VWA8: variants seen among roughly 807,000 people sequenced by gnomAD.
VWA8 encodes the protein von Willebrand factor A domain-containing protein 8.
A neutral mutation model predicts 241.5 loss-of-function variants in VWA8; 221 were observed. The observed-to-expected ratio is 0.91, with a 90% CI of 0.82 to 1.02. VWA8 has a LOEUF of 1.02. Among genes scored for constraint, VWA8 ranks in the 50% least tolerant of loss-of-function variants. VWA8 has a pLI of 0.00. For missense variants in VWA8, 2,322 were observed against 2,328.7 expected (o/e 1.00, Z 0.06); for synonymous variants, 852 against 827.1 (o/e 1.03, Z -0.52).
rs748668867 is a variant in VWA8, at chr13:41,699,181, C to G, written c.3454G>C (p.Asp1152His). 37 of 1,613,968 alleles carry G rather than the reference C, an allele frequency of 2.3e-5. No individual in the cohort carries two copies. The highest frequency in any genetic ancestry group is 1.9e-5 in the Non-Finnish European group (23 of 1,180,016). ...GTTCTTGGGAAGATATCAAAAAAGT[C>G]CACAAAGAAGCCACTTTTCCCAGTC... ...NMTGKSGFFVDFFDIFPRTAN... is the reference protein window; with the variant it reads ...NMTGKSGFFVHFFDIFPRTAN... The change falls in exon 29 of 45, where the codon GAC (aspartate) becomes CAC (histidine). Residue 1152 changes from aspartate (D) to histidine (H), a missense_variant. Transcript: ENST00000379310.
At chr13:41,927,453 C>A in intron 2 of VWA8, 1 of 322,240 alleles carries the variant, frequency 3.1e-6, no homozygotes, top group East Asian at 8.2e-5. Flanking sequence ...ATTTGACTAC[C>A]ACAGTTCCAT....
chr13:41,590,878 G>T, intron 40 of VWA8, 113 bp from the exon 41 acceptor site: 1 of 1,344,902 alleles, frequency 7.4e-7, no homozygotes, highest in African/African-American at 1.4e-5. Context: ...GTAAGTGATG[G>T]TTCTGCATGA....
intron 20 of VWA8, among the ~76,000 whole-genome samples, chr13:41,775,106 A>C (rs1329081468): frequency 6.6e-6 from 1 of 152,204 alleles, no homozygotes; most frequent in East Asian, 1.9e-4. Flanking sequence ...TACAGGGAGA[A>C]ACCAGACACC....
intron 37 of VWA8, among the ~76,000 whole-genome samples, chr13:41,643,463 CA>C (rs1017547886): frequency 3.3e-5 from 5 of 152,200 alleles, no homozygotes; most frequent in Admixed American, 2.6e-4. Context: ...AAATAGTTGT[CA>C]AAGGAATCAA....
At chr13:41,871,402 C>T (rs1873605154) in intron 9 of VWA8, among the ~76,000 whole-genome samples, 1 of 151,854 alleles carries the variant, frequency 6.6e-6, no homozygotes, top group Admixed American at 6.6e-5. Context: ...TGTGCTGCAC[C>T]CACTAACTCG....
At chr13:41,770,901 C>CAAA (rs71096541) in intron 20 of VWA8, among the ~76,000 whole-genome samples, 28 of 98,356 alleles carry the variant, frequency 2.8e-4, no homozygotes, top group African/African-American at 9.8e-4. Context: ...CTTAAAATGA[C>CAAA]AAAAAAAAAA....
intron 37 of VWA8, among the ~76,000 whole-genome samples, chr13:41,620,581 T>C (rs1234157487): frequency 6.6e-6 from 1 of 152,176 alleles, no homozygotes; most frequent in Non-Finnish European, 1.5e-5. Flanking sequence ...ATTTTAGATC[T>C]TTCCTGCTTT....
intron 37 of VWA8, among the ~76,000 whole-genome samples, chr13:41,666,673 C>T (rs543420218): frequency 3.3e-5 from 5 of 152,136 alleles, no homozygotes; most frequent in South Asian, 2.1e-4. Flanking sequence ...AGCACGCCAC[C>T]GGGATCTTGC....
Position 41,833,441 on chromosome 13 carries a change from G to C in VWA8, c.1516C>G (p.Leu506Val). The stretch of plus-strand genomic sequence containing the variant: ...TCCAGCAGGACCAGCTTGCCTTCCA[G>C]AGCAGCATTCACAAGGGGTGAGGAC... ...WRSSPLVNAA[L>V]EGKLVLLDGI... Residue 506 changes from leucine (L) to valine (V), a missense_variant, in exon 13 of 45, where the codon CTG (leucine) becomes GTG (valine). Coordinates refer to ENST00000379310, the MANE Select transcript of VWA8 (RefSeq NM_015058.2). 6.2e-7 allele frequency: 1 copy of C among 1,614,020 alleles called. No individual in the cohort carries two copies. Among genetic ancestry groups the C allele is most frequent in the Middle Eastern group, 1.6e-4 (1 of 6,062 alleles).
chr13:41,922,322 A>G (rs766571686), intron 2 of VWA8, among the ~76,000 whole-genome samples: 3 of 152,266 alleles, frequency 2.0e-5, no homozygotes, highest in African/African-American at 2.4e-5. Flanking sequence ...ACCTAAAACC[A>G]TAAAAACCCT....
chr13:41,772,465 C>CA (rs566779127), intron 20 of VWA8, among the ~76,000 whole-genome samples: 14 of 71,666 alleles, frequency 2.0e-4, no homozygotes, highest in South Asian at 7.2e-4. Flanking sequence ...AACAAACAAA[C>CA]AAAAAAAAAA....
intron 21 of VWA8, among the ~76,000 whole-genome samples, chr13:41,744,276 C>T (rs1443206455): frequency 1.3e-5 from 2 of 152,214 alleles, no homozygotes; most frequent in African/African-American, 4.8e-5. Context: ...ACAAACATTT[C>T]CATCTCTGGT....
At position 41,765,301 on chromosome 13, in the gene VWA8, C is replaced by T. The variant is rs117192748; in HGVS notation, c.2350-4097G>A. Among the ~76,000 whole-genome samples, 228 of 152,268 alleles carry T rather than the reference C, an allele frequency of 1.5e-3. 5 individuals are homozygous for T. The East Asian group carries it at 0.035, about 23-fold the overall frequency. ...GTCTCAACTCAAGGGTAGCTCATCC[C>T]CTCCCCAGACTACTGGAAAGGGCCT... On this transcript the variant is annotated intron_variant, in intron 20 of 44. Transcript: ENST00000379310.
At chr13:41,815,355 A>C (rs1454221956) in intron 16 of VWA8, among the ~76,000 whole-genome samples, 2 of 152,264 alleles carry the variant, frequency 1.3e-5, no homozygotes, top group African/African-American at 2.4e-5. Context: ...GGAAACTGTC[A>C]ATGTTACTTT....
intron 17 of VWA8, 136 bp downstream of exon 17, chr13:41,811,089 A>C (rs1236301247): frequency 1.3e-5 from 9 of 674,558 alleles, no homozygotes. Context: ...CTAATCAGTG[A>C]AGGCAAGGCT....
chr13:41,803,625 C>T (rs534262566), intron 17 of VWA8, among the ~76,000 whole-genome samples: 43 of 152,072 alleles, frequency 2.8e-4, no homozygotes, highest in Non-Finnish European at 6.0e-4. Flanking sequence ...GATCCGCCCC[C>T]GTGATTAATT....
At chr13:41,875,001 A>G (rs1873830666) in intron 9 of VWA8, among the ~76,000 whole-genome samples, 1 of 152,132 alleles carries the variant, frequency 6.6e-6, no homozygotes, top group African/African-American at 2.4e-5. Flanking sequence ...TTAGGGCAAT[A>G]TTAAATGTAT....
At position 41,570,372 on chromosome 13, in the gene VWA8, C is replaced by T. The variant is rs917251657; in HGVS notation, c.5609+96G>A. Reference sequence around the variant, plus strand: ...GTTTCTGTTTTTCCTCCATCTGCCTCACTGTCCCTCATGGTGCTAAGCCTA... The same window carrying T: ...GTTTCTGTTTTTCCTCCATCTGCCTTACTGTCCCTCATGGTGCTAAGCCTA... On this transcript the variant is annotated intron_variant, in intron 44 of 44. Transcript: ENST00000379310. 13 of 1,109,612 alleles carry T rather than the reference C, an allele frequency of 1.2e-5. 1 individual carries two copies. In the South Asian group the frequency reaches 2.1e-4, roughly 18 times the overall value. 68.7% of individuals were successfully genotyped at this position (1,109,612 alleles called of 1,614,324 possible). A position where few individuals can be genotyped will look rare whatever the true frequency, so the allele number is the denominator to read the frequency against.
At chr13:41,853,423 AT>A (rs1566482025) in intron 12 of VWA8, among the ~76,000 whole-genome samples, 1 of 151,904 alleles carries the variant, frequency 6.6e-6, no homozygotes, top group Non-Finnish European at 1.5e-5. Context: ...CTCTTTTTCT[AT>A]TTTTTTAAAA....
Sources: gnomAD v4.1 joint callset for allele counts (sites outside exome capture counted in the v4.1 genomes callset) on GRCh38, gnomAD v4.1.1 for gene constraint, MANE v1.5 for transcripts, NCBI Gene and HGNC (gene_info 2026-07-23, HGNC 2026-07-21) for gene names.